Variants in FLACC1 observed in about 807,000 individuals in gnomAD.
The protein encoded by FLACC1 is flagellum-associated coiled-coil domain-containing protein 1.
A neutral mutation model predicts 62.8 loss-of-function variants in FLACC1; 66 were observed. The ratio of observed to expected loss-of-function variants is 1.05; its 90% CI spans 0.86 to 1.29. FLACC1 has a LOEUF of 1.29. Among genes scored for constraint, FLACC1 ranks in the 50% most tolerant of loss-of-function variants. The pLI is 0.00. For synonymous variants in FLACC1, 156 were observed against 161.0 expected (o/e 0.97, Z 0.24); for missense variants, 452 against 489.1 (o/e 0.92, Z 0.71).
At chr2:201,305,938 G>GT (rs1950094754) in intron 11 of FLACC1, among the ~76,000 whole-genome samples, 1 of 145,614 alleles carries the variant, frequency 6.9e-6, no homozygotes, top group Non-Finnish European at 1.5e-5. Context: ...CAGTTGTGGG[G>GT]TGGGGGGAGG....
chr2:201,329,867 A>G (rs1279816519), intron 9 of FLACC1, among the ~76,000 whole-genome samples: 1 of 152,196 alleles, frequency 6.6e-6, no homozygotes, highest in Non-Finnish European at 1.5e-5. Flanking sequence ...TGAATCTAAA[A>G]TGAAAGTTGA....
In FLACC1 at chr2:201,289,491, T is replaced by C. The variant is rs774859652; in HGVS notation, c.1108A>G (p.Ile370Val). The C allele has an allele frequency of 3.7e-6, 6 of 1,614,110 alleles. No individual in the cohort carries two copies. The African/African-American group carries it at 5.3e-5, about 14-fold the overall frequency. ...AETEEKYKHT[I>V]QILTEENIHL... ...ATGTTCTCTTCCGTCAGGATCTGTA[T>C]GGTGTGCTTATACTTTTCTTCAGTT... Residue 370 changes from isoleucine (I) to valine (V), a missense_variant, in exon 14 of 15, where the codon ATA becomes GTA. By Grantham distance (29) the Ile-to-Val change is conservative. This residue lies in a region of FLACC1 where 301 missense variants were observed against 318.4 expected (regional missense o/e 0.95). Coordinates refer to ENST00000392257, the MANE Select transcript of FLACC1 (RefSeq NM_001127391.3).
intron 9 of FLACC1, among the ~76,000 whole-genome samples, chr2:201,310,561 T>G (rs971362355): frequency 6.6e-6 from 1 of 152,204 alleles, no homozygotes; most frequent in African/African-American, 2.4e-5. Context: ...ATCTACCTAG[T>G]AAGAATCATG....
At chr2:201,292,360 A>G (rs375223032) in intron 12 of FLACC1, among the ~76,000 whole-genome samples, 3 of 152,222 alleles carry the variant, frequency 2.0e-5, no homozygotes, top group Non-Finnish European at 4.4e-5. Context: ...GAAGAGAGTG[A>G]GGGCCAATAT....
At chr2:201,311,411 T>C (rs933082494) in intron 9 of FLACC1, among the ~76,000 whole-genome samples, 7 of 152,122 alleles carry the variant, frequency 4.6e-5, no homozygotes, top group African/African-American at 1.4e-4. Context: ...GCAAATTGAA[T>C]CCAGCTACAC....
intron 9 of FLACC1, among the ~76,000 whole-genome samples, chr2:201,310,079 C>T (rs575223118): frequency 9.2e-5 from 14 of 151,960 alleles, no homozygotes; most frequent in Non-Finnish European, 1.5e-4. Flanking sequence ...TGTTGCTTGG[C>T]TCAGATTTCA....
At chr2:201,322,864 AT>A (rs1332989700) in intron 9 of FLACC1, among the ~76,000 whole-genome samples, 1 of 152,128 alleles carries the variant, frequency 6.6e-6, no homozygotes, top group East Asian at 1.9e-4. Context: ...TGAATGAAAA[AT>A]TTTCTAGAGA....
intron 5 of FLACC1, among the ~76,000 whole-genome samples, chr2:201,345,284 C>A (rs1479256756): frequency 6.6e-6 from 1 of 152,180 alleles, no homozygotes; most frequent in African/African-American, 2.4e-5. Flanking sequence ...CCCCTGGCCC[C>A]TGGGTGGCCC....
At chr2:201,315,295 T>A (rs1281732225) in intron 9 of FLACC1, among the ~76,000 whole-genome samples, 1 of 152,200 alleles carries the variant, frequency 6.6e-6, no homozygotes, top group African/African-American at 2.4e-5. Context: ...ATCAACTATC[T>A]GCTGCCTTCA....
Position 201,288,752 on chromosome 2 carries a change from A to T in FLACC1, c.1172T>A (p.Ile391Asn), listed in dbSNP as rs747913136. The T allele has an allele frequency of 1.2e-6, 2 of 1,613,804 alleles. No homozygotes were observed. The highest frequency in any genetic ancestry group is 3.3e-5 in the Admixed American group (2 of 59,980). Reference sequence around the variant, plus strand: ...CAATCTCCCAGAACATCCTTCACAAATTTCTTCATTCTTAGAAATTATCTT... The same window carrying T: ...CAATCTCCCAGAACATCCTTCACAATTTTCTTCATTCTTAGAAATTATCTT... ...KQKIISKNEE[I>N]CEGCSGRLAS... The change falls in exon 15 of 15, where the codon ATT (isoleucine) becomes AAT (asparagine). Residue 391 changes from isoleucine (I) to asparagine (N), a missense_variant. Ile to Asn is a moderately radical substitution (Grantham distance 149). Coordinates refer to ENST00000392257, the MANE Select transcript of FLACC1 (RefSeq NM_001127391.3).
At chr2:201,292,167 T>C (rs1310915593) in intron 12 of FLACC1, among the ~76,000 whole-genome samples, 1 of 152,032 alleles carries the variant, frequency 6.6e-6, no homozygotes, top group Non-Finnish European at 1.5e-5. Context: ...ATTCAGGAAA[T>C]ACAGAGAACA....
At chr2:201,295,845 G>T (rs1483961851) in intron 12 of FLACC1, among the ~76,000 whole-genome samples, 3 of 152,130 alleles carry the variant, frequency 2.0e-5, no homozygotes, top group Non-Finnish European at 4.4e-5. Flanking sequence ...ATGAACAAGT[G>T]GGCAAAGGAT....
upstream of FLACC1, among the ~76,000 whole-genome samples, chr2:201,360,085 T>C (rs578205237): frequency 2.9e-4 from 44 of 152,326 alleles, no homozygotes; most frequent in Middle Eastern, 3.4e-3. Flanking sequence ...GGTATCCCCA[T>C]TCTCCTTTCA....
intron 7 of FLACC1, among the ~76,000 whole-genome samples, chr2:201,332,648 C>A (rs1440046075): frequency 6.6e-6 from 1 of 152,110 alleles, no homozygotes; most frequent in East Asian, 1.9e-4. Flanking sequence ...TGCAATAGAT[C>A]TAAGAAAATC....
the FLACC1 span, among the ~76,000 whole-genome samples, chr2:201,363,749 G>A: frequency 3.2e-3 from 492 of 152,242 alleles, 3 homozygotes; most frequent in African/African-American, 0.011. Flanking sequence ...CTGGTGCAGT[G>A]GGGCTCCATG....
intron 7 of FLACC1, among the ~76,000 whole-genome samples, chr2:201,338,471 C>T (rs745569970): frequency 6.6e-6 from 1 of 152,116 alleles, no homozygotes; most frequent in Non-Finnish European, 1.5e-5. Flanking sequence ...CCATCCTTAT[C>T]TTGTTCCAAT....
At chr2:201,358,979 T>C (rs987978630), upstream of FLACC1, among the ~76,000 whole-genome samples, 1 of 152,096 alleles carries the variant, frequency 6.6e-6, no homozygotes, top group African/African-American at 2.4e-5. Context: ...GATCTACATA[T>C]CAGAAAGATC....
chr2:201,291,886 C>G (rs1000694243), intron 12 of FLACC1, among the ~76,000 whole-genome samples: 1 of 152,088 alleles, frequency 6.6e-6, no homozygotes, highest in Non-Finnish European at 1.5e-5. Flanking sequence ...AATGCACAAG[C>G]CTCAGTAGCC....
At chr2:201,351,108 C>T (rs910227670) in intron 2 of FLACC1, among the ~76,000 whole-genome samples, 184 bp downstream of exon 2, 6 of 152,194 alleles carry the variant, frequency 3.9e-5, no homozygotes, top group Non-Finnish European at 8.8e-5. Flanking sequence ...GCACAAACCC[C>T]AGGCAGGGCT....
Sources: gnomAD v4.1 joint callset for allele counts (sites outside exome capture counted in the v4.1 genomes callset) on GRCh38, gnomAD v4.1.1 for gene constraint, gnomAD v4.1.1 regional missense constraint, MANE v1.5 for transcripts, NCBI Gene and HGNC (gene_info 2026-07-23, HGNC 2026-07-21) for gene names.